Variants in PLCL2 observed in about 807,000 individuals in gnomAD.
PLCL2 encodes the protein phospholipase C like 2.
Under a neutral mutation model 79.6 loss-of-function variants are expected in PLCL2, and 4 were observed. The observed-to-expected ratio is 0.05, with a 90% CI of 0.02 to 0.11. PLCL2 has a LOEUF of 0.11. Among genes scored for constraint, PLCL2 ranks in the 10% least tolerant of loss-of-function variants. PLCL2 has a pLI of 1.00. For missense variants in PLCL2, 895 were observed against 1,291.0 expected, an observed-to-expected ratio of 0.69 and a Z score of 4.70; for synonymous variants, 484 against 457.7, an observed-to-expected ratio of 1.06 and a Z score of -0.73.
chr3:16,955,277 A>T (rs1383618696), intron 1 of PLCL2, among the ~76,000 whole-genome samples: 1 of 152,206 alleles, frequency 6.6e-6, no homozygotes, highest in African/African-American at 2.4e-5. Flanking sequence ...CATTTATTAA[A>T]TAGGGAATCT....
At chr3:16,980,322 G>A (rs1356458069) in intron 1 of PLCL2, among the ~76,000 whole-genome samples, 5 of 149,694 alleles carry the variant, frequency 3.3e-5, no homozygotes, top group East Asian at 2.0e-4. Flanking sequence ...GGGCGGAGAC[G>A]CTCCTCACTT....
Position 17,061,387 on chromosome 3 carries a change from A to G in PLCL2, c.3095-6569A>G, listed in dbSNP as rs189528926. Reference sequence around the variant, plus strand: ...TTGATAGAAGTGGAAATTTCTCTTCACTATATCCCAGTATAGTTGTATGCA... The same window carrying G: ...TTGATAGAAGTGGAAATTTCTCTTCGCTATATCCCAGTATAGTTGTATGCA... On this transcript the variant is annotated intron_variant, in intron 4 of 5. Transcript: ENST00000615277. Among the ~76,000 whole-genome samples the G allele has an allele frequency of 7.9e-5, 12 of 152,332 alleles. 1 individual carries two copies. Among genetic ancestry groups the G allele is most frequent in the Admixed American group, 7.2e-4 (11 of 15,302 alleles).
intron 1 of PLCL2, among the ~76,000 whole-genome samples, chr3:17,002,747 T>A (rs2064223175): frequency 6.6e-6 from 1 of 152,184 alleles, no homozygotes; most frequent in South Asian, 2.1e-4. Context: ...AGATAACAGC[T>A]CTTAGATGCT....
intron 4 of PLCL2, among the ~76,000 whole-genome samples, chr3:17,065,803 C>G (rs1027776016): frequency 6.6e-6 from 1 of 152,168 alleles, no homozygotes; most frequent in Non-Finnish European, 1.5e-5. Flanking sequence ...ATCTTGCAGT[C>G]CATGGAGTCA....
intron 3 of PLCL2, among the ~76,000 whole-genome samples, chr3:17,021,567 T>A (rs879808628): frequency 1.3e-5 from 2 of 148,530 alleles, no homozygotes; most frequent in Non-Finnish European, 3.0e-5. Flanking sequence ...CAGAAACCAC[T>A]GAGGAACACA....
chr3:17,059,966 G>C (rs984264331), intron 4 of PLCL2, among the ~76,000 whole-genome samples: 2 of 152,088 alleles, frequency 1.3e-5, no homozygotes, highest in African/African-American at 2.4e-5. Flanking sequence ...GGAAAGTATC[G>C]ATGTGAAAGT....
chr3:16,939,258 T>G (rs1697618203), intron 1 of PLCL2, among the ~76,000 whole-genome samples: 1 of 152,252 alleles, frequency 6.6e-6, no homozygotes, highest in African/African-American at 2.4e-5. Context: ...CTTCTAGAGT[T>G]TAATAGGTCT....
In PLCL2 at chr3:17,028,343, C is replaced by T. The variant is rs190687506; in HGVS notation, c.3018+13432C>T. Among the ~76,000 whole-genome samples the T allele has an allele frequency of 4.6e-5, 7 of 152,280 alleles. No individual in the cohort carries two copies. The East Asian group carries it at 1.2e-3, about 25-fold the overall frequency. On this transcript the variant is annotated intron_variant, in intron 3 of 5. Transcript: ENST00000615277. ...AGGTGGAGACTAATCCCATGAAACCCTCTCCCACCTGAGGAATGGGAAAGA... is the reference window on the plus strand; with the variant it reads ...AGGTGGAGACTAATCCCATGAAACCTTCTCCCACCTGAGGAATGGGAAAGA...
At chr3:16,991,068 G>A (rs535366801) in intron 1 of PLCL2, among the ~76,000 whole-genome samples, 3 of 152,152 alleles carry the variant, frequency 2.0e-5, no homozygotes, top group Non-Finnish European at 2.9e-5. Flanking sequence ...CCCATTCCCC[G>A]GCTTTGCCCT....
chr3:16,898,158 CAA>C (rs1350170957), intron 1 of PLCL2, among the ~76,000 whole-genome samples: 1 of 152,178 alleles, frequency 6.6e-6, no homozygotes, highest in Non-Finnish European at 1.5e-5. Context: ...TTGGCAGCAG[CAA>C]AGTTTTCTCA....
intron 1 of PLCL2, among the ~76,000 whole-genome samples, chr3:16,980,106 ACCTC>A (rs1270137678): frequency 3.7e-4 from 1 of 2,724 alleles, no homozygotes. Flanking sequence ...TGACCACCCC[ACCTC>A]CCTCCCGGAC....
chr3:17,059,571 C>A (rs959292431), intron 4 of PLCL2, among the ~76,000 whole-genome samples: 1 of 151,644 alleles, frequency 6.6e-6, no homozygotes, highest in Admixed American at 6.6e-5. Flanking sequence ...AAAGATCTTA[C>A]ATGCATATAT....
In PLCL2 at chr3:17,010,949, A is replaced by G. The variant is rs2064314707; in HGVS notation, c.1603A>G (p.Met535Val). 1.9e-6 allele frequency: 3 copies of G among 1,614,154 alleles called. No individual in the cohort carries two copies. Among genetic ancestry groups the G allele is most frequent in the Non-Finnish European group, 1.7e-6 (2 of 1,180,014 alleles). Residue 535 changes from methionine (M) to valine (V), a missense_variant, in exon 2 of 6, where the codon ATG becomes GTG. This residue lies in a region of PLCL2 where 242 missense variants were observed against 399.5 expected (regional missense o/e 0.61). Transcript: ENST00000615277. This position sits in a 1 kb window ranked among gnomAD's most constrained non-coding sequence, Gnocchi z 5.8. The stretch of plus-strand genomic sequence containing the variant: ...ACAACAGAAGGTAATGGTTCAGCAC[A>G]TGAAGAAACTTTTAGGAGACAAGCT... ...IKQQKVMVQH[M>V]KKLLGDKLYT... is the part of the protein sequence containing the mutation.
At chr3:17,040,150 A>G (rs1184721748) in intron 3 of PLCL2, among the ~76,000 whole-genome samples, 6 of 152,148 alleles carry the variant, frequency 3.9e-5, no homozygotes, top group African/African-American at 1.4e-4. Context: ...TTTAAGTTCT[A>G]GGGTACATGT....
intron 4 of PLCL2, among the ~76,000 whole-genome samples, chr3:17,059,442 G>C (rs60483953): frequency 3.1e-5 from 1 of 31,862 alleles, no homozygotes; most frequent in Non-Finnish European, 5.4e-5. Context: ...ATATATATAT[G>C]TGTGTGTGTG....
At chr3:16,909,458 G>A (rs1248002263) in intron 1 of PLCL2, among the ~76,000 whole-genome samples, 1 of 152,182 alleles carries the variant, frequency 6.6e-6, no homozygotes, top group Non-Finnish European at 1.5e-5. Context: ...GCACACCAAA[G>A]CACCCAATGG....
At chr3:17,075,572 T>C (rs1357886418) in intron 5 of PLCL2, among the ~76,000 whole-genome samples, 1 of 147,460 alleles carries the variant, frequency 6.8e-6, no homozygotes, top group Non-Finnish European at 1.5e-5. Context: ...AAATGCAGTA[T>C]CTGTGAAGTG....
chr3:17,007,824 A>G (rs1293478657), intron 1 of PLCL2, among the ~76,000 whole-genome samples: 2 of 152,356 alleles, frequency 1.3e-5, no homozygotes, highest in East Asian at 3.9e-4. Flanking sequence ...CATGAAAGTG[A>G]TATAATTCCA....
At chr3:16,992,214 G>C (rs549045248) in intron 1 of PLCL2, among the ~76,000 whole-genome samples, 3 of 152,132 alleles carry the variant, frequency 2.0e-5, no homozygotes, top group Non-Finnish European at 2.9e-5. Flanking sequence ...GGGTGGAGTG[G>C]TGATGGCCCT....
Sources: allele counts gnomAD v4.1 joint callset (sites outside exome capture counted in the v4.1 genomes callset), GRCh38; gene constraint gnomAD v4.1.1; regional missense constraint gnomAD v4.1.1; non-coding constraint Gnocchi (gnomAD v3.1); transcripts MANE v1.5; gene names NCBI Gene and HGNC (gene_info 2026-07-23, HGNC 2026-07-21).